The following GPHN variants were observed in gnomAD, a reference collection of about 807,000 sequenced individuals.
The protein encoded by GPHN is gephyrin.
A neutral mutation model predicts 95.5 loss-of-function variants in GPHN; 17 were observed. The ratio of observed to expected loss-of-function variants is 0.18; its 90% CI spans 0.12 to 0.27. The LOEUF is 0.27. Ranked by LOEUF, GPHN falls within the 10% of genes least tolerant of loss-of-function variation. The pLI is 1.00. For missense variants in GPHN, 660 were observed against 978.1 expected (o/e 0.67, Z 4.34); for synonymous variants, 320 against 322.5 (o/e 0.99, Z 0.08).
intron 5 of GPHN, among the ~76,000 whole-genome samples, chr14:66,882,422 C>T (rs190442147): frequency 1.5e-3 from 221 of 151,750 alleles, no homozygotes; most frequent in African/African-American, 5.1e-3. Context: ...AATGTTTAAA[C>T]CATTACGTCT....
chr14:67,580,916 TTTC>T, the GPHN span: 1 of 1,535,440 alleles, frequency 6.5e-7, no homozygotes, highest in Non-Finnish European at 9.0e-7. Context: ...ATTTTCTGAC[TTTC>T]TTCTTTTGCC....
chr14:67,092,725 T>C (rs946558078), intron 12 of GPHN, among the ~76,000 whole-genome samples: 7 of 152,052 alleles, frequency 4.6e-5, no homozygotes, highest in African/African-American at 9.7e-5. Flanking sequence ...GTAATGATAA[T>C]ATAAAATAAT....
At chr14:66,909,528 A>T (rs2065563361) in intron 5 of GPHN, among the ~76,000 whole-genome samples, 1 of 152,086 alleles carries the variant, frequency 6.6e-6, no homozygotes, top group Non-Finnish European at 1.5e-5. Context: ...ACTGATTAAC[A>T]TGAATCACTG....
chr14:66,730,428 T>C (rs2071659169), intron 2 of GPHN, among the ~76,000 whole-genome samples: 1 of 152,192 alleles, frequency 6.6e-6, no homozygotes, highest in Non-Finnish European at 1.5e-5. Flanking sequence ...TTAGGTGTTT[T>C]AGAAAATAGG....
chr14:67,044,616 C>T (rs139268311), intron 10 of GPHN, among the ~76,000 whole-genome samples: 1 of 152,210 alleles, frequency 6.6e-6, no homozygotes, highest in Non-Finnish European at 1.5e-5. Context: ...TCTTATTTTC[C>T]AGAACTCCAT....
chr14:67,636,055 C>G, the GPHN span, among the ~76,000 whole-genome samples: 1 of 151,974 alleles, frequency 6.6e-6, no homozygotes, highest in Non-Finnish European at 1.5e-5. Flanking sequence ...CTATCCTATT[C>G]ATATTTAGAA....
the GPHN span, among the ~76,000 whole-genome samples, chr14:67,298,915 G>A: frequency 6.6e-6 from 1 of 152,146 alleles, no homozygotes; most frequent in African/African-American, 2.4e-5. Context: ...TCATATAAAT[G>A]TAATAAGACA....
chr14:67,593,700 C>T, the GPHN span: 14 of 1,195,330 alleles, frequency 1.2e-5, no homozygotes, highest in South Asian at 2.4e-5. Context: ...GGCTGGCTAC[C>T]TCCTCCAGAG....
chr14:67,262,765 C>CT, the GPHN span, among the ~76,000 whole-genome samples: 4 of 152,078 alleles, frequency 2.6e-5, no homozygotes, highest in African/African-American at 9.7e-5. Context: ...TCAACTCTGT[C>CT]TTTATCTTCT....
At chr14:67,474,930 T>TC in the GPHN span, among the ~76,000 whole-genome samples, 3 of 150,614 alleles carry the variant, frequency 2.0e-5, no homozygotes, top group African/African-American at 7.4e-5. Context: ...TTTTTTTTTT[T>TC]TTTGTGACGG....
chr14:67,068,855 G>A lies in GPHN; in HGVS notation c.1144+10069G>A, dbSNP rs149867458. ...CCCGTCTCTGACTTCTAGCTAGTTAGCTGCCTGAGCATAGGCAGTTATCTT... is the reference window on the plus strand; with the variant it reads ...CCCGTCTCTGACTTCTAGCTAGTTAACTGCCTGAGCATAGGCAGTTATCTT... On this transcript the variant is annotated intron_variant, in intron 11 of 22. Transcript: ENST00000478722. Among the ~76,000 whole-genome samples, 182 of 152,234 alleles carry A rather than the reference G, an allele frequency of 1.2e-3. 9 individuals carry two copies. In the East Asian group the frequency reaches 0.017, roughly 14 times the overall value.
the GPHN span, among the ~76,000 whole-genome samples, chr14:67,237,960 A>C: frequency 6.6e-6 from 1 of 150,594 alleles, no homozygotes; most frequent in East Asian, 2.0e-4. Flanking sequence ...TCCATGTTAG[A>C]CTCTATATGC....
chr14:67,323,826 A>G, the GPHN span: 2 of 1,287,886 alleles, frequency 1.6e-6, no homozygotes, highest in Non-Finnish European at 1.1e-6. Context: ...AAGTTTTCAC[A>G]CTATTGTACT....
the GPHN span, among the ~76,000 whole-genome samples, chr14:67,658,910 GATTT>G: frequency 6.6e-6 from 1 of 152,188 alleles, no homozygotes; most frequent in Non-Finnish European, 1.5e-5. Context: ...CGTGAAACAG[GATTT>G]GTTTAAAATT....
chr14:66,783,004 G>A (rs942196672), intron 3 of GPHN, among the ~76,000 whole-genome samples: 2 of 152,126 alleles, frequency 1.3e-5, no homozygotes, highest in African/African-American at 4.8e-5. Flanking sequence ...ACAGGATACT[G>A]AAGAAAGCCT....
the GPHN span, among the ~76,000 whole-genome samples, chr14:67,628,064 A>T: frequency 9.9e-5 from 15 of 152,138 alleles, no homozygotes; most frequent in Non-Finnish European, 1.5e-4. Context: ...CCCTTGGGGG[A>T]TGGGCCACCT....
the GPHN span, among the ~76,000 whole-genome samples, chr14:67,526,604 A>G: frequency 6.6e-6 from 1 of 152,200 alleles, no homozygotes; most frequent in African/African-American, 2.4e-5. Flanking sequence ...TAAAGTCTCC[A>G]CTTTAAGCAC....
intron 1 of GPHN, among the ~76,000 whole-genome samples, chr14:66,558,662 A>G (rs1211700787): frequency 3.3e-5 from 5 of 152,160 alleles, no homozygotes; most frequent in African/African-American, 1.2e-4. Context: ...TATAGAGTTC[A>G]TTCTGTAAAT....
the GPHN span, chr14:67,312,557 C>T: frequency 1.2e-6 from 2 of 1,602,130 alleles, no homozygotes; most frequent in East Asian, 2.2e-5. Flanking sequence ...TGACTATGAC[C>T]CCTCAGATGA....
Sources: gnomAD v4.1 joint callset for allele counts (sites outside exome capture counted in the v4.1 genomes callset) on GRCh38, gnomAD v4.1.1 for gene constraint, MANE v1.5 for transcripts, NCBI Gene and HGNC (gene_info 2026-07-23, HGNC 2026-07-21) for gene names.